USP34: variants seen among roughly 807,000 people sequenced by gnomAD.
USP34 encodes ubiquitin carboxyl-terminal hydrolase 34.
USP34 carries 70 observed loss-of-function variants against 460.3 expected under a neutral mutation model. The ratio of observed to expected loss-of-function variants is 0.15; its 90% CI spans 0.13 to 0.19. The LOEUF (loss-of-function observed/expected upper bound fraction) is 0.19, where lower values mean the gene tolerates loss of function less well. Ranked by LOEUF, USP34 falls within the 10% of genes least tolerant of loss-of-function variation. USP34 has a pLI of 1.00. For missense variants in USP34, 3,985 were observed against 4,236.2 expected (o/e 0.94, Z 1.65); for synonymous variants, 1,647 against 1,405.3 (o/e 1.17, Z -3.85).
intron 43 of USP34, among the ~76,000 whole-genome samples, chr2:61,262,743 T>C (rs898521109): frequency 6.6e-6 from 1 of 152,226 alleles, no homozygotes; most frequent in Non-Finnish European, 1.5e-5. Flanking sequence ...TTTAAAGTTC[T>C]TTCAGAAATT....
intron 22 of USP34, among the ~76,000 whole-genome samples, chr2:61,318,072 A>G (rs545716296): frequency 2.5e-4 from 38 of 151,652 alleles, no homozygotes; most frequent in Non-Finnish European, 5.2e-4. Flanking sequence ...GTGTGGCTGT[A>G]GTCCCAACTA....
chr2:61,449,444 G>C (rs1695207591), intron 1 of USP34, among the ~76,000 whole-genome samples: 1 of 148,398 alleles, frequency 6.7e-6, no homozygotes, highest in Non-Finnish European at 1.5e-5. Flanking sequence ...CTTTGTAGAA[G>C]TTTTCAAGTT....
chr2:61,365,932 G>A (rs544046130), intron 10 of USP34, among the ~76,000 whole-genome samples: 1 of 88,798 alleles, frequency 1.1e-5, no homozygotes, highest in East Asian at 4.4e-4. Flanking sequence ...AGACTAAAAT[G>A]ACTGGGAACA....
intron 33 of USP34, among the ~76,000 whole-genome samples, chr2:61,292,212 A>T (rs962846410): frequency 2.0e-5 from 3 of 152,184 alleles, no homozygotes; most frequent in South Asian, 2.1e-4. Context: ...AAAGTTTTAA[A>T]GGTATACTTC....
At chr2:61,296,059 G>C (rs1254009623) in intron 30 of USP34, among the ~76,000 whole-genome samples, 2 of 152,112 alleles carry the variant, frequency 1.3e-5, no homozygotes, top group Non-Finnish European at 2.9e-5. Context: ...AGGAGTTATA[G>C]ATCAACTTGG....
intron 41 of USP34, among the ~76,000 whole-genome samples, chr2:61,268,169 A>T (rs1291244722): frequency 1.3e-5 from 2 of 152,054 alleles, no homozygotes; most frequent in East Asian, 3.9e-4. Context: ...TTGGTGACTG[A>T]TATGGTTTGG....
At chr2:61,295,624 T>C (rs1366814422) in intron 30 of USP34, among the ~76,000 whole-genome samples, 1 of 152,236 alleles carries the variant, frequency 6.6e-6, no homozygotes, top group Non-Finnish European at 1.5e-5. Flanking sequence ...GAATTAAATG[T>C]CTGTACTTAA....
At chr2:61,265,264 A>G (rs1035484721) in intron 43 of USP34, 133 bp downstream of exon 43, 1 of 898,156 alleles carries the variant, frequency 1.1e-6, no homozygotes, top group Non-Finnish European at 1.7e-6. Context: ...CACATTAGCT[A>G]GTTACTGTAA....
At chr2:61,324,609 T>C (rs975135664) in intron 21 of USP34, among the ~76,000 whole-genome samples, 14 of 151,950 alleles carry the variant, frequency 9.2e-5, no homozygotes, top group African/African-American at 2.7e-4. Flanking sequence ...CCTATCTCTA[T>C]GAAAATTTTA....
chr2:61,390,438 G>A (rs1172033689), intron 5 of USP34, among the ~76,000 whole-genome samples: 3 of 152,144 alleles, frequency 2.0e-5, no homozygotes, highest in Non-Finnish European at 2.9e-5. Context: ...AGCTGCATTC[G>A]CAAAGTAAGA....
rs1196608159 is a variant in USP34, at chr2:61,470,999, TG to T, written c.-308del. On this transcript the variant is annotated 5_prime_UTR_variant, in exon 1 of 80. Coordinates refer to ENST00000398571, the MANE Select transcript of USP34 (RefSeq NM_014709.4). ...AGGGGAGAGGGGGGGAGGGGGCGGG[TG>T]GGGAGAGAAGCAGCAGAGTCACTTC... Among the ~76,000 whole-genome samples the T allele has an allele frequency of 3.2e-5, 1 of 31,260 alleles. No homozygotes were observed. Among genetic ancestry groups the T allele is most frequent in the Non-Finnish European group, 6.7e-5 (1 of 15,026 alleles). The allele number at this position is 31,260 out of a possible 152,430, so 20.5% of individuals were successfully genotyped here. A position where few individuals can be genotyped will look rare whatever the true frequency, so the allele number is the denominator to read the frequency against.
intron 1 of USP34, among the ~76,000 whole-genome samples, chr2:61,442,898 T>TACACACACACACAC (rs58151221): frequency 0.012 from 1,767 of 147,274 alleles, 9 homozygotes; most frequent in East Asian, 0.034. Flanking sequence ...GTGATGTGTG[T>TACACACACACACAC]ACACACACAC....
At chr2:61,341,947 C>T (rs986777227) in intron 16 of USP34, among the ~76,000 whole-genome samples, 2 of 151,202 alleles carry the variant, frequency 1.3e-5, no homozygotes, top group Non-Finnish European at 3.0e-5. Context: ...ATTTTTAGTA[C>T]CAACGGGGTT....
intron 8 of USP34, among the ~76,000 whole-genome samples, chr2:61,377,247 C>A (rs545135557): frequency 1.3e-5 from 2 of 152,208 alleles, no homozygotes; most frequent in African/African-American, 4.8e-5. Flanking sequence ...CTGGGATTAG[C>A]GCCTTAGAGC....
chr2:61,283,744 T>C (rs1052103046), intron 35 of USP34, among the ~76,000 whole-genome samples: 9 of 152,224 alleles, frequency 5.9e-5, no homozygotes, highest in South Asian at 2.1e-4. Context: ...AGCCTCCCAA[T>C]AGCTGGGACT....
chr2:61,450,822 C>T (rs1054698480), intron 1 of USP34, among the ~76,000 whole-genome samples: 1 of 150,468 alleles, frequency 6.6e-6, no homozygotes, highest in African/African-American at 2.5e-5. Flanking sequence ...AAGATGTCAA[C>T]TCTTACCCCA....
At position 61,266,177 on chromosome 2, in the gene USP34, A is replaced by T. The variant is rs1689038784; in HGVS notation, c.5434-10T>A. ...TATCTCTCAAAAATTCCTGGGGAGTAAAAGGAAACATGTTATCTAAACTGA... is the reference window on the plus strand; with the variant it reads ...TATCTCTCAAAAATTCCTGGGGAGTTAAAGGAAACATGTTATCTAAACTGA... On this transcript the variant is annotated splice_polypyrimidine_tract_variant and intron_variant, in intron 41 of 79. Coordinates refer to ENST00000398571, the MANE Select transcript of USP34 (RefSeq NM_014709.4). 1 of 1,602,248 alleles carries T rather than the reference A, an allele frequency of 6.2e-7. No homozygotes were observed. The highest frequency in any genetic ancestry group is 1.7e-5 in the Admixed American group (1 of 59,640).
intron 53 of USP34, among the ~76,000 whole-genome samples, chr2:61,236,686 A>T (rs1182530297): frequency 6.6e-6 from 1 of 152,216 alleles, no homozygotes; most frequent in Non-Finnish European, 1.5e-5. Flanking sequence ...TAATTGAATG[A>T]AATATAAGTC....
At chr2:61,426,402 C>T (rs1196083919) in intron 1 of USP34, among the ~76,000 whole-genome samples, 1 of 152,048 alleles carries the variant, frequency 6.6e-6, no homozygotes, top group African/African-American at 2.4e-5. Flanking sequence ...ACAGAGCGTT[C>T]ATGACAAGCT....
Sources: gnomAD v4.1 joint callset for allele counts (sites outside exome capture counted in the v4.1 genomes callset) on GRCh38, gnomAD v4.1.1 for gene constraint, MANE v1.5 for transcripts, NCBI Gene and HGNC (gene_info 2026-07-23, HGNC 2026-07-21) for gene names.